The following ATP8B1 variants were observed in gnomAD, a reference collection of about 807,000 sequenced individuals.
The protein encoded by ATP8B1 is phospholipid-transporting ATPase IC.
ATP8B1 carries 80 observed loss-of-function variants against 149.9 expected under a neutral mutation model. The ratio of observed to expected loss-of-function variants is 0.53; its 90% CI spans 0.45 to 0.64. The LOEUF (loss-of-function observed/expected upper bound fraction) is 0.64. Ranked by LOEUF, ATP8B1 falls within the 30% of genes least tolerant of loss-of-function variation. ATP8B1 has a pLI of 0.00. For missense variants in ATP8B1, 1,247 were observed against 1,552.6 expected (o/e 0.80, Z 3.31); for synonymous variants, 536 against 562.8 (o/e 0.95, Z 0.67).
chr18:57,649,728 G>C (rs1433613922), intron 27 of ATP8B1, among the ~76,000 whole-genome samples: 1 of 152,114 alleles, frequency 6.6e-6, no homozygotes. Context: ...TGGGGCCCTT[G>C]GGTGAGAAGT....
Position 57,648,325 on chromosome 18 carries a change from C to A in ATP8B1, c.*163G>T. On this transcript the variant is annotated 3_prime_UTR_variant, in exon 28 of 28. Transcript: ENST00000648908. ...TTAAAAGTCCTATTTCTTGGCTCTG[C>A]TATTGTTTAATAGTCCAACCCAAGG... 3.4e-6 allele frequency: 3 copies of A among 874,622 alleles called. No individual in the cohort carries two copies. Among genetic ancestry groups the A allele is most frequent in the Non-Finnish European group, 3.6e-6 (2 of 548,082 alleles). 54.2% of individuals were successfully genotyped at this position (874,622 alleles called of 1,614,324 possible). A position where few individuals can be genotyped will look rare whatever the true frequency, so the allele number is the denominator to read the frequency against.
chr18:57,730,452 T>A (rs1255393069), intron 2 of ATP8B1, among the ~76,000 whole-genome samples: 1 of 152,104 alleles, frequency 6.6e-6, no homozygotes, highest in African/African-American at 2.4e-5. Context: ...GGGAACACCA[T>A]GGAGGAAATA....
At chr18:57,651,046 A>G (rs1206297728) in intron 26 of ATP8B1, among the ~76,000 whole-genome samples, 1 of 152,162 alleles carries the variant, frequency 6.6e-6, no homozygotes, top group African/African-American at 2.4e-5. Context: ...GTGAGCAAAT[A>G]AGGAAAAAAA....
At position 57,694,577 on chromosome 18, in the gene ATP8B1, A is replaced by C; in HGVS notation, c.1029+5T>G. 16 of 1,527,910 alleles carry C rather than the reference A, an allele frequency of 1.0e-5. No homozygotes were observed. The highest frequency in any genetic ancestry group is 1.5e-5 in the Non-Finnish European group (16 of 1,102,224). The allele number at this position is 1,527,910 out of a possible 1,614,324, so 94.6% of individuals were successfully genotyped here. On this transcript the variant is annotated splice_donor_5th_base_variant and intron_variant, in intron 11 of 27. Transcript: ENST00000648908. ...GAGAGATCTACTGAGATGAAAAATA[A>C]ATACCGTGTAAACCATGTAGTTCAT...
chr18:57,672,260 G>A (rs901492987), intron 16 of ATP8B1, among the ~76,000 whole-genome samples: 6 of 152,118 alleles, frequency 3.9e-5, no homozygotes, highest in Admixed American at 2.0e-4. Context: ...AACACTTACT[G>A]CTTTTAATAC....
chr18:57,682,007 AT>A (rs200585995), intron 15 of ATP8B1, among the ~76,000 whole-genome samples: 12,693 of 143,996 alleles, frequency 0.088, 593 homozygotes, highest in Middle Eastern at 0.14. Context: ...ACTTTGTGTT[AT>A]TTTTTTTTTT....
Position 57,802,864 on chromosome 18 carries a change from G to C in ATP8B1, c.-26+134C>G, listed in dbSNP as rs1265233616. The C allele has an allele frequency of 6.6e-6, 1 of 152,336 alleles. No homozygotes were observed. Among genetic ancestry groups the C allele is most frequent in the Admixed American group, 6.5e-5 (1 of 15,288 alleles). 9.4% of individuals were successfully genotyped at this position (152,336 alleles called of 1,614,324 possible). On this transcript the variant is annotated intron_variant, in intron 1 of 27. Coordinates refer to ENST00000648908, the MANE Select transcript of ATP8B1 (RefSeq NM_001374385.1). This position sits in a 1 kb window ranked among gnomAD's most constrained non-coding sequence, Gnocchi z 4.9. ...CACCTGTGCGGGCTCGGGAGTCCGA[G>C]GGCGCTGACAGCTGCTGCCGCCGCA...
At chr18:57,704,177 A>G (rs991882813) in intron 4 of ATP8B1, among the ~76,000 whole-genome samples, 2 of 152,194 alleles carry the variant, frequency 1.3e-5, no homozygotes, top group Non-Finnish European at 2.9e-5. Flanking sequence ...CATGTTAGCC[A>G]GGGTGGTCTG....
At chr18:57,689,683 T>G (rs1288665352) in intron 12 of ATP8B1, among the ~76,000 whole-genome samples, 1 of 152,094 alleles carries the variant, frequency 6.6e-6, no homozygotes, top group Non-Finnish European at 1.5e-5. Flanking sequence ...AATAAATTAA[T>G]AAAGAGAGGC....
intron 15 of ATP8B1, among the ~76,000 whole-genome samples, chr18:57,675,538 T>C (rs1236659544): frequency 1.3e-5 from 2 of 152,196 alleles, no homozygotes; most frequent in Admixed American, 6.5e-5. Flanking sequence ...TTAATAACCC[T>C]TTTGTATGTG....
chr18:57,795,142 T>C (rs529258777), intron 1 of ATP8B1, among the ~76,000 whole-genome samples: 32 of 152,008 alleles, frequency 2.1e-4, no homozygotes, highest in Non-Finnish European at 4.0e-4. Context: ...CTCACACCTG[T>C]CATCTCAACA....
chr18:57,727,793 A>AAAAC (rs539237456), intron 2 of ATP8B1, among the ~76,000 whole-genome samples: 2 of 152,174 alleles, frequency 1.3e-5, no homozygotes, highest in African/African-American at 4.8e-5. Context: ...TCTCAAAACA[A>AAAAC]AAACAAACAA....
chr18:57,763,191 G>A (rs576138420), intron 1 of ATP8B1, among the ~76,000 whole-genome samples: 44 of 152,214 alleles, frequency 2.9e-4, no homozygotes, highest in African/African-American at 8.7e-4. Context: ...GTCAAGGTTC[G>A]AGACCAGCCT....
intron 2 of ATP8B1, chr18:57,708,462 A>C (rs571276098): frequency 6.6e-6 from 1 of 152,334 alleles, no homozygotes; most frequent in East Asian, 1.9e-4. Flanking sequence ...GGCGTTCTCA[A>C]AGTAGGTAGA....
intron 1 of ATP8B1, among the ~76,000 whole-genome samples, chr18:57,798,837 A>G (rs1272245089): frequency 6.6e-6 from 1 of 150,672 alleles, no homozygotes; most frequent in African/African-American, 2.4e-5. Flanking sequence ...AACAGTGTAG[A>G]TCGGAGACTT....
At chr18:57,739,078 C>T (rs1461873355) in intron 1 of ATP8B1, among the ~76,000 whole-genome samples, 1 of 152,142 alleles carries the variant, frequency 6.6e-6, no homozygotes, top group Non-Finnish European at 1.5e-5. Context: ...TCACTGCAAC[C>T]TCCACCTCCC....
intron 2 of ATP8B1, among the ~76,000 whole-genome samples, chr18:57,729,010 G>A (rs407787): frequency 0.17 from 25,515 of 151,802 alleles, 2,860 homozygotes; most frequent in East Asian, 0.49. Context: ...ATGAGTCGCC[G>A]CACCCGGCCA....
chr18:57,792,443 C>T (rs1054019922), intron 1 of ATP8B1, among the ~76,000 whole-genome samples: 8 of 151,896 alleles, frequency 5.3e-5, no homozygotes, highest in Admixed American at 2.6e-4. Flanking sequence ...CCACCACACC[C>T]GACCGTAATA....
chr18:57,769,066 A>C (rs2080243630), intron 1 of ATP8B1, among the ~76,000 whole-genome samples: 1 of 152,182 alleles, frequency 6.6e-6, no homozygotes, highest in Non-Finnish European at 1.5e-5. Context: ...GGTGAGTGAC[A>C]GGTGGCTTTG....
Sources: gnomAD v4.1 joint callset for allele counts (sites outside exome capture counted in the v4.1 genomes callset) on GRCh38, gnomAD v4.1.1 for gene constraint, Gnocchi (gnomAD v3.1) non-coding constraint, MANE v1.5 for transcripts, NCBI Gene and HGNC (gene_info 2026-07-23, HGNC 2026-07-21) for gene names.